The following DHRSX variants were observed in gnomAD, a reference collection of about 807,000 sequenced individuals.
The protein encoded by DHRSX is polyprenol dehydrogenase.
A neutral mutation model predicts 34.0 loss-of-function variants in DHRSX; 31 were observed. That is an observed-to-expected ratio of 0.91 (90% CI 0.69 to 1.23). The LOEUF is 1.23. DHRSX is among the 50% of genes most tolerant of loss of function. DHRSX has a pLI of 0.00. For synonymous variants in DHRSX, 201 were observed against 183.8 expected, an observed-to-expected ratio of 1.09 and a Z score of -0.76; for missense variants, 414 against 428.1, an observed-to-expected ratio of 0.97 and a Z score of 0.29.
chrX:2,255,855 A>G (rs1298977817), intron 5 of DHRSX, among the ~76,000 whole-genome samples: 1 of 151,524 alleles, frequency 6.6e-6, no homozygotes, highest in Non-Finnish European at 1.5e-5. Context: ...CAGAGGTTGT[A>G]GTGAGCTGAG....
intron 3 of DHRSX, among the ~76,000 whole-genome samples, chrX:2,298,604 AC>A (rs2041965294): frequency 1.3e-4 from 2 of 15,232 alleles, no homozygotes; most frequent in Admixed American, 1.6e-3. Context: ...GCGTGTGTAC[AC>A]ACACACACAC....
intron 2 of DHRSX, among the ~76,000 whole-genome samples, chrX:2,421,706 T>A (rs2043782333): frequency 1.3e-5 from 2 of 152,154 alleles, no homozygotes; most frequent in African/African-American, 4.8e-5. Context: ...CAGCAGAAAC[T>A]GCCATGGAGA....
At chrX:2,264,934 C>A in intron 5 of DHRSX, among the ~76,000 whole-genome samples, 2 of 102,826 alleles carry the variant, frequency 1.9e-5, no homozygotes, top group Admixed American at 2.0e-4. Flanking sequence ...CACCCATGCC[C>A]AGCAGACTCC....
At chrX:2,325,405 A>G (rs745762717) in intron 3 of DHRSX, among the ~76,000 whole-genome samples, 26 of 150,064 alleles carry the variant, frequency 1.7e-4, no homozygotes, top group African/African-American at 4.2e-4. Context: ...GACTAGACAC[A>G]TTCAAAACGG....
At chrX:2,225,804 C>T (rs1349152843) in intron 6 of DHRSX, among the ~76,000 whole-genome samples, 1 of 152,028 alleles carries the variant, frequency 6.6e-6, no homozygotes, top group Non-Finnish European at 1.5e-5. Context: ...CCTGCCCACA[C>T]CTTGATGTCA....
At chrX:2,358,577 G>A (rs1444987599) in intron 3 of DHRSX, among the ~76,000 whole-genome samples, 1 of 151,954 alleles carries the variant, frequency 6.6e-6, no homozygotes, top group African/African-American at 2.4e-5. Flanking sequence ...CGGGGTTGAG[G>A]GCTTGATATG....
chrX:2,472,739 A>G (rs1387015084), intron 1 of DHRSX, among the ~76,000 whole-genome samples: 2 of 152,218 alleles, frequency 1.3e-5, no homozygotes, highest in Non-Finnish European at 2.9e-5. Context: ...ATTGCACTCC[A>G]GCCTGGGCGA....
chrX:2,338,255 C>T (rs1455891979), intron 3 of DHRSX, among the ~76,000 whole-genome samples: 5 of 151,808 alleles, frequency 3.3e-5, no homozygotes, highest in African/African-American at 1.2e-4. Flanking sequence ...ATCGCTTGAA[C>T]CTGGGAGATG....
intron 6 of DHRSX, among the ~76,000 whole-genome samples, chrX:2,234,287 G>A (rs2015964179): frequency 7.1e-6 from 1 of 140,672 alleles, no homozygotes. Context: ...CTGGCTCCAT[G>A]CATGTGCATT....
rs146004724 is a variant in DHRSX, at chrX:2,258,500, G to C, written c.596+8240C>G. Among the ~76,000 whole-genome samples the C allele has an allele frequency of 1.3e-3, 203 of 151,094 alleles. 3 individuals are homozygous for C. In the East Asian group the frequency reaches 0.033, roughly 24 times the overall value. On this transcript the variant is annotated intron_variant, in intron 5 of 6. Coordinates refer to ENST00000334651, the MANE Select transcript of DHRSX (RefSeq NM_145177.3). Reference sequence around the variant, plus strand: ...CATAAGAGGAGGAGATGAGGACACAGACACACACAGAGGGATGATCCTGTG... The same window carrying C: ...CATAAGAGGAGGAGATGAGGACACACACACACACAGAGGGATGATCCTGTG...
At chrX:2,408,871 A>T (rs2043592429) in intron 2 of DHRSX, 58 bp from the exon 3 acceptor site, 9 of 1,354,838 alleles carry the variant, frequency 6.6e-6, no homozygotes, top group Non-Finnish European at 8.9e-6. Flanking sequence ...AGAAACTATT[A>T]ACTGCAAAAA....
intron 1 of DHRSX, among the ~76,000 whole-genome samples, chrX:2,468,956 A>C (rs2044543575): frequency 6.6e-6 from 1 of 151,886 alleles, no homozygotes; most frequent in African/African-American, 2.4e-5. Flanking sequence ...TGGCTCAGGG[A>C]CCACCACCAT....
At chrX:2,297,861 C>CCT (rs914080681) in intron 3 of DHRSX, among the ~76,000 whole-genome samples, 2 of 151,448 alleles carry the variant, frequency 1.3e-5, no homozygotes, top group African/African-American at 4.9e-5. Context: ...TTCAAGTGAT[C>CCT]CTCCCTTCCT....
At chrX:2,499,669 G>A (rs2045365291) in intron 1 of DHRSX, among the ~76,000 whole-genome samples, 1 of 152,164 alleles carries the variant, frequency 6.6e-6, no homozygotes, top group Non-Finnish European at 1.5e-5. Flanking sequence ...CACTTTGGGG[G>A]ACCCAGGTAG....
intron 1 of DHRSX, among the ~76,000 whole-genome samples, chrX:2,465,571 G>A (rs1188053820): frequency 1.3e-5 from 2 of 151,934 alleles, no homozygotes; most frequent in African/African-American, 4.8e-5. Flanking sequence ...GGGAGGCTGA[G>A]GCAGGTGGAT....
At chrX:2,313,602 C>G (rs755701993) in intron 3 of DHRSX, among the ~76,000 whole-genome samples, 1 of 151,882 alleles carries the variant, frequency 6.6e-6, no homozygotes, top group South Asian at 2.1e-4. Context: ...CTCATGACCT[C>G]GTGATCTGCC....
chrX:2,384,594 T>A (rs982096193), intron 3 of DHRSX, among the ~76,000 whole-genome samples: 1 of 152,170 alleles, frequency 6.6e-6, no homozygotes, highest in Non-Finnish European at 1.5e-5. Context: ...TAAGAGTGTT[T>A]ATCATAATTT....
At chrX:2,435,432 C>T (rs188834971) in intron 1 of DHRSX, among the ~76,000 whole-genome samples, 2 of 147,780 alleles carry the variant, frequency 1.4e-5, no homozygotes, top group East Asian at 3.9e-4. Flanking sequence ...TATAAATCTA[C>T]AATGATCTCA....
chrX:2,266,235 G>A (rs867806329), intron 5 of DHRSX, among the ~76,000 whole-genome samples: 1,875 of 42,542 alleles, frequency 0.044, 5 homozygotes, highest in Middle Eastern at 0.13. Flanking sequence ...CCAGAGCACC[G>A]GTGTCCAGCA....
Sources: allele counts gnomAD v4.1 joint callset (sites outside exome capture counted in the v4.1 genomes callset), GRCh38; gene constraint gnomAD v4.1.1; transcripts MANE v1.5; gene names NCBI Gene and HGNC (gene_info 2026-07-23, HGNC 2026-07-21).